RNF149: variants seen among roughly 807,000 people sequenced by gnomAD.
The protein encoded by RNF149 is E3 ubiquitin-protein ligase RNF149.
In RNF149, 21 loss-of-function variants were observed where a neutral mutation model predicts 39.0. The ratio of observed to expected loss-of-function variants is 0.54; its 90% confidence interval spans 0.38 to 0.77. The LOEUF is 0.77. Among genes scored for constraint, RNF149 ranks in the 30% least tolerant of loss-of-function variants. RNF149 has a pLI of 0.00. For synonymous variants in RNF149, 209 were observed against 213.6 expected, an observed-to-expected ratio of 0.98 and a Z score of 0.19; for missense variants, 493 against 534.9, an observed-to-expected ratio of 0.92 and a Z score of 0.77.
At chr2:101,273,174 T>C, downstream of RNF149, 1 of 1,285,936 alleles carries the variant, frequency 7.8e-7, no homozygotes, top group African/African-American at 1.5e-5. Flanking sequence ...TTTAGTTTTC[T>C]GCTGGGAAAC....
chr2:101,301,222 C>A (rs142522745), intron 1 of RNF149, among the ~76,000 whole-genome samples: 1 of 145,666 alleles, frequency 6.9e-6, no homozygotes, highest in African/African-American at 2.5e-5. Context: ...AGGAAAATTT[C>A]CTGAAGGCAA....
At chr2:101,291,158 T>A (rs1271560369) in intron 3 of RNF149, among the ~76,000 whole-genome samples, 1 of 145,652 alleles carries the variant, frequency 6.9e-6, no homozygotes, top group Non-Finnish European at 1.5e-5. Context: ...AATTAATTAA[T>A]TTTTTTTTTT....
intron 1 of RNF149, among the ~76,000 whole-genome samples, chr2:101,303,945 C>T (rs1303707669): frequency 6.6e-6 from 1 of 152,164 alleles, no homozygotes; most frequent in Admixed American, 6.5e-5. Context: ...TAAAAGACCA[C>T]GCTAAGATTT....
intron 1 of RNF149, 27 bp from the exon 2 acceptor site, chr2:101,295,208 G>A (rs1683175687): frequency 1.3e-6 from 2 of 1,588,132 alleles, no homozygotes; most frequent in Non-Finnish European, 8.6e-7. Context: ...AGAAATCAAT[G>A]TGAAGAACAC....
At chr2:101,284,640 C>CT (rs762942969) in intron 5 of RNF149, among the ~76,000 whole-genome samples, 2 of 152,098 alleles carry the variant, frequency 1.3e-5, no homozygotes, top group Non-Finnish European at 2.9e-5. Flanking sequence ...GAAGTGGTCT[C>CT]TTAAGCTAGA....
At chr2:101,291,156 A>T (rs1238936535) in intron 3 of RNF149, among the ~76,000 whole-genome samples, 1 of 151,652 alleles carries the variant, frequency 6.6e-6, no homozygotes, top group African/African-American at 2.4e-5. Context: ...TTAATTAATT[A>T]ATTTTTTTTT....
At chr2:101,274,487 A>G (rs1329040275), downstream of RNF149, among the ~76,000 whole-genome samples, 1 of 152,230 alleles carries the variant, frequency 6.6e-6, no homozygotes, top group Admixed American at 6.5e-5. Context: ...CAGAGCATGG[A>G]AATTTTCTGC....
At position 101,282,052 on chromosome 2, in the gene RNF149, C is replaced by A. The variant is rs1277804340; in HGVS notation, c.966G>T (p.Glu322Asp). The A allele has an allele frequency of 6.2e-7, 1 of 1,613,672 alleles. No individual in the cohort carries two copies. The highest frequency in any genetic ancestry group is 8.5e-7 in the Non-Finnish European group (1 of 1,179,878). ...CAGGCATCTCCTGTACATCCCCAGG[C>A]TCTCCCTTGAGAATTAGAACAGAAG... is the stretch of plus-strand genomic sequence containing the variant. The part of the protein sequence containing the change: ...DVIKALGYWG[E>D]PGDVQEMPAP... The change falls in exon 6 of 7, where the codon GAG (glutamate) becomes GAT (aspartate). Residue 322 changes from glutamate to aspartate, a missense_variant. Transcript: ENST00000295317.
At chr2:101,299,848 C>T (rs1683384135) in intron 1 of RNF149, among the ~76,000 whole-genome samples, 1 of 152,218 alleles carries the variant, frequency 6.6e-6, no homozygotes, top group African/African-American at 2.4e-5. Context: ...CAATGTCACA[C>T]ACCACCTGAA....
intron 4 of RNF149, chr2:101,286,382 C>G (rs1682794013): frequency 2.3e-6 from 1 of 429,872 alleles, no homozygotes; most frequent in East Asian, 3.8e-5. Flanking sequence ...TCCCTTCACT[C>G]TACAAAAACC....
At chr2:101,274,684 C>T (rs185150971), downstream of RNF149, among the ~76,000 whole-genome samples, 4 of 152,348 alleles carry the variant, frequency 2.6e-5, no homozygotes, top group Admixed American at 2.6e-4. Flanking sequence ...GGGCCCTGGG[C>T]GGCAGCAGCA....
chr2:101,277,301 G>C lies in RNF149; in HGVS notation c.1160-20C>G, dbSNP rs375660113. On this transcript the variant is annotated intron_variant, in intron 6 of 6. Transcript: ENST00000295317. ...CGGCTTCTGCAAGAGAGCAACATAA[G>C]CTACTCCATCAGAAGAGGGCAGCAT... The C allele has an allele frequency of 4.4e-6, 7 of 1,607,170 alleles. No individual in the cohort carries two copies. In the African/African-American group the frequency reaches 9.4e-5, roughly 22 times the overall value.
At chr2:101,294,885 A>C in intron 2 of RNF149, 46 bp downstream of exon 2, 1 of 1,460,338 alleles carries the variant, frequency 6.8e-7, no homozygotes, top group Non-Finnish European at 9.5e-7. Flanking sequence ...CGGCATATTT[A>C]TGAATTATCT....
downstream of RNF149, among the ~76,000 whole-genome samples, chr2:101,275,126 T>C (rs1417558725): frequency 5.3e-5 from 7 of 131,418 alleles, no homozygotes; most frequent in African/African-American, 1.2e-4. Context: ...TTTTTTTTTT[T>C]TTTTTTTTTG....
chr2:101,276,877 T>C lies in RNF149; in HGVS notation c.*361A>G, dbSNP rs985773881. On this transcript the variant is annotated 3_prime_UTR_variant, in exon 7 of 7. Coordinates refer to ENST00000295317, the MANE Select transcript of RNF149 (RefSeq NM_173647.4). ...TTCAACTAGTCTAACATTGATGTGCTTTGCCAAAAACCTTGAAAAATAGAA... is the reference window on the plus strand; with the variant it reads ...TTCAACTAGTCTAACATTGATGTGCCTTGCCAAAAACCTTGAAAAATAGAA... 6.9e-5 allele frequency: 70 copies of C among 1,019,502 alleles called. No individual in the cohort carries two copies. In the African/African-American group the frequency reaches 1.1e-3, roughly 17 times the overall value. 63.2% of individuals were successfully genotyped at this position (1,019,502 alleles called of 1,614,324 possible).
intron 4 of RNF149, among the ~76,000 whole-genome samples, chr2:101,287,557 C>T (rs1264207175): frequency 2.0e-5 from 3 of 152,198 alleles, no homozygotes; most frequent in African/African-American, 7.2e-5. Context: ...GTGCAGCTTC[C>T]TGGACACTGT....
intron 1 of RNF149, among the ~76,000 whole-genome samples, chr2:101,296,084 T>C (rs2104420291): frequency 6.6e-6 from 1 of 152,272 alleles, no homozygotes; most frequent in South Asian, 2.1e-4. Context: ...TGCTACTGCA[T>C]TCCAGCTTGG....
intron 1 of RNF149, among the ~76,000 whole-genome samples, chr2:101,300,998 G>A (rs941856704): frequency 1.3e-5 from 2 of 152,134 alleles, no homozygotes; most frequent in Admixed American, 6.5e-5. Flanking sequence ...TTCCTTAATT[G>A]GCACATGAGA....
At chr2:101,273,034 GTCA>G (rs758632935), downstream of RNF149, 5 of 1,353,612 alleles carry the variant, frequency 3.7e-6, no homozygotes, top group African/African-American at 1.5e-5. Context: ...GCCTTTTCTT[GTCA>G]TCATTCCTCA....
Sources: allele counts gnomAD v4.1 joint callset (sites outside exome capture counted in the v4.1 genomes callset), GRCh38; gene constraint gnomAD v4.1.1; transcripts MANE v1.5; gene names NCBI Gene and HGNC (gene_info 2026-07-23, HGNC 2026-07-21).